The following CEP170 variants were observed in gnomAD, a reference collection of about 807,000 sequenced individuals.
CEP170 encodes centrosomal protein of 170 kDa.
Under a neutral mutation model 151.9 loss-of-function variants are expected in CEP170, and 21 were observed. That is an observed-to-expected ratio of 0.14 (90% CI 0.10 to 0.20). CEP170 has a LOEUF of 0.20. Ranked by LOEUF, CEP170 falls within the 10% of genes least tolerant of loss-of-function variation. The probability of loss-of-function intolerance (pLI) is 1.00; values close to 1 mark genes in which losing one functional copy is unlikely to be tolerated. For missense variants in CEP170, 964 were observed against 1,892.9 expected (o/e 0.51, Z 9.11); for synonymous variants, 356 against 648.8 (o/e 0.55, Z 6.86).
At chr1:243,145,932 T>C (rs2056432037) in intron 14 of CEP170, among the ~76,000 whole-genome samples, 1 of 151,954 alleles carries the variant, frequency 6.6e-6, no homozygotes, top group African/African-American at 2.4e-5. Flanking sequence ...TTCCACACTA[T>C]CTAGAAGAGT....
At chr1:243,151,637 G>A (rs1304548425) in intron 14 of CEP170, among the ~76,000 whole-genome samples, 2 of 152,278 alleles carry the variant, frequency 1.3e-5, no homozygotes, top group African/African-American at 2.4e-5. Context: ...CTTAAGGAAC[G>A]AAACCATCCC....
chr1:243,191,652 G>C (rs2060310711), intron 7 of CEP170, among the ~76,000 whole-genome samples, 158 bp from the exon 8 acceptor site: 1 of 152,106 alleles, frequency 6.6e-6, no homozygotes, highest in Non-Finnish European at 1.5e-5. Context: ...AAATGTCACA[G>C]AGAAGAAAGA....
intron 6 of CEP170, among the ~76,000 whole-genome samples, chr1:243,199,941 A>G (rs1169645007): frequency 1.3e-5 from 2 of 151,932 alleles, no homozygotes; most frequent in African/African-American, 4.8e-5. Context: ...TAAAAATATT[A>G]TAAGGTAAAC....
At chr1:243,200,446 T>C in intron 6 of CEP170, 72 bp downstream of exon 6, 4 of 1,593,378 alleles carry the variant, frequency 2.5e-6, no homozygotes, top group Non-Finnish European at 8.6e-7. Context: ...CATAGCCAAC[T>C]TTCTGAGAAC....
intron 14 of CEP170, among the ~76,000 whole-genome samples, chr1:243,149,159 T>C (rs1297675354): frequency 1.5e-5 from 2 of 135,478 alleles, no homozygotes; most frequent in African/African-American, 5.1e-5. Flanking sequence ...TGGTAAAATG[T>C]AGAAAGATTC....
intron 1 of CEP170, among the ~76,000 whole-genome samples, chr1:243,241,066 A>G (rs1056480943): frequency 1.3e-5 from 2 of 152,252 alleles, no homozygotes; most frequent in African/African-American, 4.8e-5. Flanking sequence ...CAAAGTTTTA[A>G]TAATATCTAA....
chr1:243,195,280 C>A (rs530082588), intron 7 of CEP170, among the ~76,000 whole-genome samples: 1 of 151,860 alleles, frequency 6.6e-6, no homozygotes, highest in African/African-American at 2.4e-5. Context: ...AAAATGTGTG[C>A]AACAGTTAAA....
chr1:243,213,466 T>C (rs1438488765), intron 3 of CEP170, among the ~76,000 whole-genome samples: 1 of 152,092 alleles, frequency 6.6e-6, no homozygotes, highest in Non-Finnish European at 1.5e-5. Context: ...AATTATAAGA[T>C]AAATACAAGA....
chr1:243,230,006 T>G (rs1014437171), intron 1 of CEP170, among the ~76,000 whole-genome samples: 27 of 152,134 alleles, frequency 1.8e-4, no homozygotes, highest in African/African-American at 6.5e-4. Context: ...CAGCAATCCC[T>G]GGAGAGTGGA....
chr1:243,228,806 T>C (rs1194290468), intron 1 of CEP170, among the ~76,000 whole-genome samples: 1 of 152,204 alleles, frequency 6.6e-6, no homozygotes, highest in Non-Finnish European at 1.5e-5. Flanking sequence ...ACAATAATTA[T>C]ACAGTTGGAT....
chr1:243,161,508 G>T (rs1222035715), intron 13 of CEP170, among the ~76,000 whole-genome samples: 1 of 151,950 alleles, frequency 6.6e-6, no homozygotes, highest in African/African-American at 2.4e-5. Flanking sequence ...GGTCTCACTT[G>T]TCCAAGGCTG....
intron 3 of CEP170, among the ~76,000 whole-genome samples, chr1:243,219,325 G>A (rs759217302): frequency 6.6e-6 from 1 of 152,144 alleles, no homozygotes; most frequent in Admixed American, 6.5e-5. Context: ...CACTTTGGAA[G>A]GTAGTATATA....
chr1:243,196,583 CAG>C (rs899447164), intron 7 of CEP170, among the ~76,000 whole-genome samples: 32 of 152,162 alleles, frequency 2.1e-4, no homozygotes, highest in African/African-American at 6.7e-4. Context: ...TTGTGTGTGA[CAG>C]GGGAGGGCTA....
chr1:243,172,888 G>A, intron 10 of CEP170, 42 bp from the exon 11 acceptor site: 1 of 1,501,460 alleles, frequency 6.7e-7, no homozygotes, highest in Non-Finnish European at 8.9e-7. Flanking sequence ...CGAAAAGTCT[G>A]AACACAAGAT....
In CEP170 at chr1:243,167,592, C is replaced by T. The variant is rs559629363; in HGVS notation, c.1844-1476G>A. Among the ~76,000 whole-genome samples the T allele has an allele frequency of 1.1e-4, 16 of 151,104 alleles. No individual in the cohort carries two copies. The South Asian group carries it at 2.9e-3, about 28-fold the overall frequency. ...AATATAAATTAACATATAAAGCTTC[C>T]TAATCTTTTAGGGATAAATGGAGAA... On this transcript the variant is annotated intron_variant, in intron 12 of 19. Transcript: ENST00000366542.
At chr1:243,203,026 C>T (rs1161585551) in intron 4 of CEP170, among the ~76,000 whole-genome samples, 3 of 152,046 alleles carry the variant, frequency 2.0e-5, no homozygotes, top group Admixed American at 1.3e-4. Context: ...AACATTTTAC[C>T]TTCCAAAAAT....
chr1:243,127,094 C>T (rs2053785703), intron 19 of CEP170, among the ~76,000 whole-genome samples: 1 of 152,194 alleles, frequency 6.6e-6, no homozygotes, highest in South Asian at 2.1e-4. Context: ...TCTAAACCCA[C>T]ATCACTCAGA....
chr1:243,169,405 A>C, intron 12 of CEP170: 1 of 710,780 alleles, frequency 1.4e-6, no homozygotes, highest in South Asian at 2.1e-5. Flanking sequence ...TATCTAATAA[A>C]AATCAGCCTT....
intron 12 of CEP170, chr1:243,169,360 T>A: frequency 2.3e-6 from 1 of 430,968 alleles, no homozygotes; most frequent in Non-Finnish European, 3.8e-6. Context: ...TCACTTTGAA[T>A]TTGTCCCCTG....
Sources: allele counts gnomAD v4.1 joint callset (sites outside exome capture counted in the v4.1 genomes callset), GRCh38; gene constraint gnomAD v4.1.1; transcripts MANE v1.5; gene names NCBI Gene and HGNC (gene_info 2026-07-23, HGNC 2026-07-21).